GALNT17: variants seen among roughly 807,000 people sequenced by gnomAD.
GALNT17 encodes UDP-GalNAc:polypeptide N-acetylgalactosaminyltransferase-like 3.
In GALNT17, 29 loss-of-function variants were observed where a neutral mutation model predicts 63.7. That is an observed-to-expected ratio of 0.46 (90% confidence interval 0.34 to 0.62). GALNT17 has a LOEUF of 0.62. Among genes scored for constraint, GALNT17 ranks in the 20% least tolerant of loss-of-function variants. The pLI is 0.01. For missense variants in GALNT17, 603 were observed against 799.6 expected (o/e 0.75, Z 2.97); for synonymous variants, 305 against 318.3 (o/e 0.96, Z 0.45).
In GALNT17 at chr7:71,475,906, C is replaced by T. The variant is rs116644338; in HGVS notation, c.962+54801C>T. ...AGTTTTTCCTGACAATTTTAGTCTACAAAATGCTTGGAATATATATAAAGT... is the reference window on the plus strand; with the variant it reads ...AGTTTTTCCTGACAATTTTAGTCTATAAAATGCTTGGAATATATATAAAGT... On this transcript the variant is annotated intron_variant, in intron 5 of 10. Transcript: ENST00000333538. Among the ~76,000 whole-genome samples, 601 of 152,250 alleles carry T rather than the reference C, an allele frequency of 3.9e-3. 3 individuals are homozygous for T. The highest frequency in any genetic ancestry group is 0.014 in the African/African-American group (563 of 41,552).
intron 5 of GALNT17, among the ~76,000 whole-genome samples, chr7:71,534,941 C>T (rs1788780608): frequency 6.6e-6 from 1 of 152,146 alleles, no homozygotes; most frequent in Non-Finnish European, 1.5e-5. Context: ...ACTAGGTTCC[C>T]TTCTATCATA....
intron 5 of GALNT17, among the ~76,000 whole-genome samples, chr7:71,461,158 C>A (rs900266917): frequency 2.6e-5 from 4 of 152,144 alleles, no homozygotes; most frequent in Admixed American, 2.6e-4. Flanking sequence ...AAACTCAAGC[C>A]ATTGAAGAAT....
At chr7:71,333,237 A>C (rs1461041790) in intron 1 of GALNT17, among the ~76,000 whole-genome samples, 1 of 152,224 alleles carries the variant, frequency 6.6e-6, no homozygotes, top group Admixed American at 6.5e-5. Context: ...TACATTTCAC[A>C]TAAATAGAAT....
At chr7:71,397,637 T>TA (rs1370514711) in intron 3 of GALNT17, among the ~76,000 whole-genome samples, 4 of 152,212 alleles carry the variant, frequency 2.6e-5, no homozygotes, top group Admixed American at 6.5e-5. Context: ...ACTGCCCTGT[T>TA]ATGGAGGTTG....
At chr7:71,627,954 C>G (rs73702240) in intron 6 of GALNT17, among the ~76,000 whole-genome samples, 232 of 152,028 alleles carry the variant, frequency 1.5e-3, no homozygotes, top group African/African-American at 5.4e-3. Flanking sequence ...AAGGGGGGTG[C>G]AAAAGAGTAT....
At chr7:71,383,697 T>C (rs1377484364) in intron 2 of GALNT17, among the ~76,000 whole-genome samples, 1 of 152,148 alleles carries the variant, frequency 6.6e-6, no homozygotes, top group East Asian at 1.9e-4. Flanking sequence ...GCGTCCCAAG[T>C]AGTTAAGGCT....
At chr7:71,357,288 A>G (rs981033453) in intron 2 of GALNT17, among the ~76,000 whole-genome samples, 1 of 152,158 alleles carries the variant, frequency 6.6e-6, no homozygotes, top group African/African-American at 2.4e-5. Flanking sequence ...CTGCCAGATC[A>G]GCGGCAGCAT....
chr7:71,534,517 T>C (rs1788772330), intron 5 of GALNT17, among the ~76,000 whole-genome samples: 1 of 148,262 alleles, frequency 6.7e-6, no homozygotes, highest in African/African-American at 2.5e-5. Flanking sequence ...GAGAATGGTG[T>C]GAACCCAGGA....
chr7:71,328,616 G>A (rs578041016), intron 1 of GALNT17, among the ~76,000 whole-genome samples: 1 of 151,666 alleles, frequency 6.6e-6, no homozygotes, highest in South Asian at 2.1e-4. Context: ...AGTTTCTGGG[G>A]CCTGCAAAAT....
chr7:71,251,067 G>A (rs968234310), intron 1 of GALNT17, among the ~76,000 whole-genome samples: 8 of 152,042 alleles, frequency 5.3e-5, no homozygotes, highest in East Asian at 3.9e-4. Context: ...TGTGCACAAC[G>A]TGCAGGTTTG....
intron 3 of GALNT17, among the ~76,000 whole-genome samples, chr7:71,401,993 T>G (rs1793249401): frequency 6.6e-6 from 1 of 152,228 alleles, no homozygotes; most frequent in Non-Finnish European, 1.5e-5. Context: ...ACTGCTGTTC[T>G]AAAGCAATAG....
intron 1 of GALNT17, among the ~76,000 whole-genome samples, chr7:71,147,394 T>C (rs942255729): frequency 6.6e-6 from 1 of 152,094 alleles, no homozygotes. Flanking sequence ...AGTCTAACTT[T>C]TCATGTTTTT....
chr7:71,241,417 C>T (rs1396212149), intron 1 of GALNT17, among the ~76,000 whole-genome samples: 2 of 152,194 alleles, frequency 1.3e-5, no homozygotes, highest in African/African-American at 4.8e-5. Context: ...TGATACTTCC[C>T]AGCTTCTCTT....
chr7:71,268,506 G>A (rs986650199), intron 1 of GALNT17, among the ~76,000 whole-genome samples: 1 of 151,420 alleles, frequency 6.6e-6, no homozygotes, highest in African/African-American at 2.4e-5. Context: ...AGCCATGGTA[G>A]CACCACTGCA....
At chr7:71,584,097 A>G (rs1206318443) in intron 6 of GALNT17, among the ~76,000 whole-genome samples, 1 of 152,162 alleles carries the variant, frequency 6.6e-6, no homozygotes, top group Non-Finnish European at 1.5e-5. Flanking sequence ...GCGCCACTGC[A>G]CTCCAGCCTG....
At chr7:71,209,569 C>T (rs1789337476) in intron 1 of GALNT17, among the ~76,000 whole-genome samples, 1 of 152,072 alleles carries the variant, frequency 6.6e-6, no homozygotes, top group Non-Finnish European at 1.5e-5. Flanking sequence ...GATCATGGCT[C>T]ACTGCAGCCT....
chr7:71,336,432 C>T (rs74478793), intron 2 of GALNT17, among the ~76,000 whole-genome samples: 2,169 of 152,226 alleles, frequency 0.014, 27 homozygotes, highest in Middle Eastern at 0.027. Flanking sequence ...AGGGGTTCAG[C>T]GTACAGATCA....
Position 71,506,466 on chromosome 7 carries a change from C to T in GALNT17, c.963-64819C>T, listed in dbSNP as rs535609328. On this transcript the variant is annotated intron_variant, in intron 5 of 10. Coordinates refer to ENST00000333538, the MANE Select transcript of GALNT17 (RefSeq NM_022479.3). The stretch of plus-strand genomic sequence containing the variant: ...ATTTTTAGTAGAGACTGGGTTTCAC[C>T]ATATTGGCCAGGCTGGTCTCAAACA... 2.4e-4 allele frequency among the ~76,000 whole-genome samples: 37 copies of T among 152,170 alleles called. 1 individual carries two copies. The South Asian group carries it at 7.7e-3, about 32-fold the overall frequency.
chr7:71,451,463 G>T (rs761840676), intron 5 of GALNT17, among the ~76,000 whole-genome samples: 4 of 152,058 alleles, frequency 2.6e-5, no homozygotes, highest in Non-Finnish European at 5.9e-5. Flanking sequence ...GCATTTATCA[G>T]TGTTTTTCTC....
Sources: allele counts gnomAD v4.1 joint callset (sites outside exome capture counted in the v4.1 genomes callset), GRCh38; gene constraint gnomAD v4.1.1; transcripts MANE v1.5; gene names NCBI Gene and HGNC (gene_info 2026-07-23, HGNC 2026-07-21).